The following SRBD1 variants were observed in gnomAD, a reference collection of about 807,000 sequenced individuals.
SRBD1 encodes the protein S1 RNA binding domain 1.
A neutral mutation model predicts 115.3 loss-of-function variants in SRBD1; 88 were observed. That is an observed-to-expected ratio of 0.76 (90% CI 0.64 to 0.91). The LOEUF (loss-of-function observed/expected upper bound fraction) is 0.91, where lower values mean the gene tolerates loss of function less well. Ranked by LOEUF, SRBD1 falls within the 40% of genes least tolerant of loss-of-function variation. The pLI is 0.00. For missense variants in SRBD1, 1,385 were observed against 1,177.4 expected, an observed-to-expected ratio of 1.18 and a Z score of -2.58; for synonymous variants, 509 against 407.7, an observed-to-expected ratio of 1.25 and a Z score of -2.99.
intron 19 of SRBD1, among the ~76,000 whole-genome samples, chr2:45,402,896 C>G (rs983001991): frequency 6.6e-6 from 1 of 152,070 alleles, no homozygotes; most frequent in African/African-American, 2.4e-5. Flanking sequence ...CTGGATCAAC[C>G]CAAATGGTAG....
At chr2:45,506,099 G>C (rs59070689) in intron 14 of SRBD1, among the ~76,000 whole-genome samples, 1 of 152,148 alleles carries the variant, frequency 6.6e-6, no homozygotes, top group East Asian at 1.9e-4. Context: ...AGATGCTGAA[G>C]AAGCATACAA....
At chr2:45,525,628 G>A (rs1671417098) in intron 14 of SRBD1, among the ~76,000 whole-genome samples, 1 of 151,902 alleles carries the variant, frequency 6.6e-6, no homozygotes, top group African/African-American at 2.4e-5. Flanking sequence ...GCAGATAGAC[G>A]TTAATTAGCT....
chr2:45,543,521 T>C (rs141611722), intron 14 of SRBD1, among the ~76,000 whole-genome samples: 39 of 152,200 alleles, frequency 2.6e-4, no homozygotes, highest in Non-Finnish European at 5.0e-4. Flanking sequence ...GATTATAGAT[T>C]AACCTATCAG....
chr2:45,484,840 T>C (rs771899005), intron 15 of SRBD1, among the ~76,000 whole-genome samples: 17 of 152,208 alleles, frequency 1.1e-4, no homozygotes, highest in Non-Finnish European at 2.2e-4. Flanking sequence ...ATACAATATG[T>C]AGTCTTTTGG....
intron 14 of SRBD1, among the ~76,000 whole-genome samples, chr2:45,494,524 AAAGTC>A (rs1558432969): frequency 6.6e-6 from 1 of 152,230 alleles, no homozygotes; most frequent in Non-Finnish European, 1.5e-5. Flanking sequence ...GCTAAGCAGA[AAAGTC>A]AAGAATAAGT....
At chr2:45,426,076 G>C (rs1197012324) in intron 16 of SRBD1, among the ~76,000 whole-genome samples, 1 of 152,184 alleles carries the variant, frequency 6.6e-6, no homozygotes, top group Non-Finnish European at 1.5e-5. Context: ...ACCCCATGGA[G>C]CTCAGCAAGC....
At chr2:45,528,686 G>A (rs1418732883) in intron 14 of SRBD1, among the ~76,000 whole-genome samples, 1 of 151,806 alleles carries the variant, frequency 6.6e-6, no homozygotes, top group Non-Finnish European at 1.5e-5. Flanking sequence ...AGAAGTGGAT[G>A]AAGAGATTAT....
intron 19 of SRBD1, among the ~76,000 whole-genome samples, chr2:45,399,870 A>G (rs889763130): frequency 6.6e-6 from 1 of 152,232 alleles, no homozygotes; most frequent in African/African-American, 2.4e-5. Context: ...CTGTAAAGCC[A>G]TAATGTGGAT....
rs557978613 is a variant in SRBD1 at position 45,513,188 on chromosome 2, A to G, written c.1875-24857T>C. Among the ~76,000 whole-genome samples the G allele has an allele frequency of 3.9e-5, 6 of 152,260 alleles. No homozygotes were observed. In the South Asian group the frequency reaches 1.2e-3, roughly 32 times the overall value. On this transcript the variant is annotated intron_variant, in intron 14 of 20. Transcript: ENST00000263736. ...CCATGGCTCCAGCAAGAACATATCCATAGGATAGCATGCCAGAGAGCTGGA... is the reference window on the plus strand; with the variant it reads ...CCATGGCTCCAGCAAGAACATATCCGTAGGATAGCATGCCAGAGAGCTGGA...
At chr2:45,426,619 G>A (rs561181062) in intron 16 of SRBD1, among the ~76,000 whole-genome samples, 31 of 152,220 alleles carry the variant, frequency 2.0e-4, no homozygotes, top group African/African-American at 7.2e-4. Flanking sequence ...GGCATCTGGC[G>A]GGTGCCCCTC....
chr2:45,591,248 T>C (rs1673715555), intron 4 of SRBD1, among the ~76,000 whole-genome samples: 1 of 152,192 alleles, frequency 6.6e-6, no homozygotes, highest in Admixed American at 6.5e-5. Context: ...ATTGATAACC[T>C]AGTTCATCTG....
At chr2:45,531,020 T>C (rs550280305) in intron 14 of SRBD1, among the ~76,000 whole-genome samples, 2 of 149,678 alleles carry the variant, frequency 1.3e-5, no homozygotes, top group South Asian at 4.2e-4. Flanking sequence ...TCAAATAATT[T>C]GCGTATACTG....
chr2:45,490,305 G>GT (rs1670254125), intron 14 of SRBD1, among the ~76,000 whole-genome samples: 4 of 152,124 alleles, frequency 2.6e-5, no homozygotes, highest in African/African-American at 7.2e-5. Context: ...GGATTAATCA[G>GT]AACTGCATGT....
intron 19 of SRBD1, among the ~76,000 whole-genome samples, chr2:45,410,043 C>T (rs184837346): frequency 6.6e-6 from 1 of 151,970 alleles, no homozygotes; most frequent in Non-Finnish European, 1.5e-5. Context: ...TATTAAAACC[C>T]CCAAAACTCA....
chr2:45,417,758 G>C (rs1024079565), intron 18 of SRBD1, among the ~76,000 whole-genome samples: 3 of 152,204 alleles, frequency 2.0e-5, no homozygotes, highest in Admixed American at 2.0e-4. Flanking sequence ...CAGTGAGGAG[G>C]GAGTGGGGAA....
At chr2:45,454,121 C>A (rs1198127214) in intron 16 of SRBD1, among the ~76,000 whole-genome samples, 1 of 151,882 alleles carries the variant, frequency 6.6e-6, no homozygotes, top group Admixed American at 6.6e-5. Context: ...TAATGTACAG[C>A]CCTAACAGAA....
chr2:45,416,579 T>C (rs1055315091), intron 18 of SRBD1, among the ~76,000 whole-genome samples: 6 of 152,092 alleles, frequency 3.9e-5, no homozygotes, highest in Admixed American at 3.9e-4. Context: ...CTGAAACAAA[T>C]AAAGCAAGTT....
At position 45,581,818 on chromosome 2, in the gene SRBD1, G is replaced by C; in HGVS notation, c.816-8C>G. 1 of 1,600,800 alleles carries C rather than the reference G, an allele frequency of 6.2e-7. No homozygotes were observed. The highest frequency in any genetic ancestry group is 8.5e-7 in the Non-Finnish European group (1 of 1,172,982). On this transcript the variant is annotated splice_region_variant and splice_polypyrimidine_tract_variant and intron_variant, in intron 5 of 20. Coordinates refer to ENST00000263736, the MANE Select transcript of SRBD1 (RefSeq NM_018079.5). ...ACTTTCTTTGCAACAGCCCTGAAAA[G>C]AGAAACTTTTGTAATATACCAAAAC...
At chr2:45,563,371 A>G (rs183635601) in intron 9 of SRBD1, among the ~76,000 whole-genome samples, 152 of 152,190 alleles carry the variant, frequency 1.0e-3, no homozygotes, top group African/African-American at 3.4e-3. Flanking sequence ...CTTAATTAAA[A>G]TATTAAAAGA....
Sources: allele counts gnomAD v4.1 joint callset (sites outside exome capture counted in the v4.1 genomes callset), GRCh38; gene constraint gnomAD v4.1.1; transcripts MANE v1.5; gene names NCBI Gene and HGNC (gene_info 2026-07-23, HGNC 2026-07-21).